Variants in MGAT4C observed in about 807,000 individuals in gnomAD.
MGAT4C encodes alpha-1,3-mannosyl-glycoprotein 4-beta-N-acetylglucosaminyltransferase C.
MGAT4C carries 19 observed loss-of-function variants against 40.1 expected under a neutral mutation model. The ratio of observed to expected loss-of-function variants is 0.47; its 90% CI spans 0.33 to 0.70. The LOEUF is 0.70. Among genes scored for constraint, MGAT4C ranks in the 30% least tolerant of loss-of-function variants. MGAT4C has a pLI of 0.02. For missense variants in MGAT4C, 491 were observed against 563.2 expected (o/e 0.87, Z 1.30); for synonymous variants, 181 against 187.1 (o/e 0.97, Z 0.27).
At chr12:85,997,541 C>T (rs1886764431) in intron 2 of MGAT4C, among the ~76,000 whole-genome samples, 1 of 152,126 alleles carries the variant, frequency 6.6e-6, no homozygotes, top group Non-Finnish European at 1.5e-5. Context: ...TAGTTACTGC[C>T]TAGATACAAT....
At chr12:86,004,615 T>C (rs906769841) in intron 2 of MGAT4C, among the ~76,000 whole-genome samples, 1 of 152,178 alleles carries the variant, frequency 6.6e-6, no homozygotes, top group East Asian at 1.9e-4. Flanking sequence ...TCATGAAATT[T>C]CTAACCCAAG....
chr12:86,763,342 T>C (rs936998680), intron 1 of MGAT4C, among the ~76,000 whole-genome samples: 1 of 152,192 alleles, frequency 6.6e-6, no homozygotes, highest in Non-Finnish European at 1.5e-5. Flanking sequence ...CTTTACTCCT[T>C]TCAGGTCTGC....
chr12:86,109,165 T>A (rs1876755825), intron 1 of MGAT4C, among the ~76,000 whole-genome samples: 1 of 152,076 alleles, frequency 6.6e-6, no homozygotes, highest in Admixed American at 6.6e-5. Context: ...CAAATATCCT[T>A]CAAAAAATTT....
At chr12:86,065,832 CCTT>C in intron 1 of MGAT4C, among the ~76,000 whole-genome samples, 1 of 152,252 alleles carries the variant, frequency 6.6e-6, no homozygotes, top group Non-Finnish European at 1.5e-5. Flanking sequence ...CCCAAAATCT[CCTT>C]AAGCTGATAA....
At chr12:86,610,577 C>A (rs1415802054) in intron 2 of MGAT4C, among the ~76,000 whole-genome samples, 1 of 145,832 alleles carries the variant, frequency 6.9e-6, no homozygotes, top group African/African-American at 2.5e-5. Flanking sequence ...TTTTCATTTT[C>A]TTTCTTTTTG....
At chr12:86,188,935 T>C (rs1228595679) in intron 1 of MGAT4C, among the ~76,000 whole-genome samples, 1 of 151,966 alleles carries the variant, frequency 6.6e-6, no homozygotes, top group East Asian at 1.9e-4. Context: ...TGCCTTTAAG[T>C]CAATCATAAA....
At chr12:86,481,761 A>G (rs1039132447) in intron 2 of MGAT4C, among the ~76,000 whole-genome samples, 5 of 151,916 alleles carry the variant, frequency 3.3e-5, no homozygotes, top group Non-Finnish European at 7.4e-5. Context: ...CATGGTACGT[A>G]TAAATAATAT....
At chr12:86,588,182 C>T (rs183038600) in intron 2 of MGAT4C, among the ~76,000 whole-genome samples, 18 of 151,594 alleles carry the variant, frequency 1.2e-4, no homozygotes, top group Non-Finnish European at 2.4e-4. Flanking sequence ...TTGTCAAAGG[C>T]CTTTTCTGCA....
intron 2 of MGAT4C, among the ~76,000 whole-genome samples, chr12:86,015,227 G>T (rs764016777): frequency 6.7e-6 from 1 of 148,932 alleles, no homozygotes; most frequent in Admixed American, 6.7e-5. Context: ...AGTAATTGCG[G>T]TTTTTCCGCA....
chr12:86,636,236 C>T (rs1336317871), intron 2 of MGAT4C, among the ~76,000 whole-genome samples: 1 of 151,986 alleles, frequency 6.6e-6, no homozygotes, highest in Admixed American at 6.6e-5. Context: ...TTAAGCAACA[C>T]GTGACTGTAC....
chr12:86,820,794 T>C (rs1464659496), intron 1 of MGAT4C, among the ~76,000 whole-genome samples: 1 of 150,876 alleles, frequency 6.6e-6, no homozygotes. Context: ...GAAATAGATA[T>C]ATAATGTTGA....
At chr12:86,143,485 T>C (rs1883126318) in intron 1 of MGAT4C, among the ~76,000 whole-genome samples, 1 of 152,126 alleles carries the variant, frequency 6.6e-6, no homozygotes, top group African/African-American at 2.4e-5. Context: ...AATAGAGGTG[T>C]AGATAGCTTG....
chr12:86,689,559 C>T (rs530901009), intron 2 of MGAT4C, among the ~76,000 whole-genome samples: 13 of 152,310 alleles, frequency 8.5e-5, no homozygotes, highest in Admixed American at 7.2e-4. Context: ...TTCCTTCTAA[C>T]AGTCAGGCTT....
rs543832476 is a variant in MGAT4C at position 86,223,368 on chromosome 12, A to G, written c.-57+32871T>C. ...ATGTCCTGCCCTGGGGCTAGTGCAG[A>G]TGCTGCCACTGCTACCCAAGGACAA... On this transcript the variant is annotated intron_variant, in intron 1 of 4. Coordinates refer to ENST00000611864, the MANE Select transcript of MGAT4C (RefSeq NM_001351288.2). Among the ~76,000 whole-genome samples the G allele has an allele frequency of 5.9e-5, 9 of 152,326 alleles. No homozygotes were observed. The East Asian group carries it at 1.5e-3, about 26-fold the overall frequency.
chr12:86,070,472 C>CT (rs1243921433), intron 1 of MGAT4C, among the ~76,000 whole-genome samples: 2 of 151,968 alleles, frequency 1.3e-5, no homozygotes, highest in Admixed American at 6.6e-5. Flanking sequence ...TACTAATCCA[C>CT]TTTTTTGTGT....
At chr12:86,325,461 T>A (rs532845415) in intron 4 of MGAT4C, among the ~76,000 whole-genome samples, 1 of 152,306 alleles carries the variant, frequency 6.6e-6, no homozygotes, top group South Asian at 2.1e-4. Context: ...AATTTTGCAA[T>A]CAAAAAGGAT....
intron 2 of MGAT4C, among the ~76,000 whole-genome samples, chr12:86,615,161 T>C (rs906633559): frequency 6.6e-6 from 1 of 152,096 alleles, no homozygotes; most frequent in East Asian, 1.9e-4. Context: ...CTTTCTCTCA[T>C]TACAGTGAAC....
chr12:86,585,773 C>T (rs1347767619), intron 2 of MGAT4C, among the ~76,000 whole-genome samples: 1 of 146,818 alleles, frequency 6.8e-6, no homozygotes, highest in Admixed American at 6.8e-5. Context: ...TTCATTCCCC[C>T]ACTTTATTGA....
At chr12:86,131,373 T>A in intron 1 of MGAT4C, among the ~76,000 whole-genome samples, 1 of 152,050 alleles carries the variant, frequency 6.6e-6, no homozygotes, top group East Asian at 1.9e-4. Context: ...ATAGGGTGAG[T>A]TTTCTATTGC....
Sources: gnomAD v4.1 joint callset for allele counts (sites outside exome capture counted in the v4.1 genomes callset) on GRCh38, gnomAD v4.1.1 for gene constraint, MANE v1.5 for transcripts, NCBI Gene and HGNC (gene_info 2026-07-23, HGNC 2026-07-21) for gene names.